The following PPP6R3 variants were observed in gnomAD, a reference collection of about 807,000 sequenced individuals.
The protein encoded by PPP6R3 is protein phosphatase 6 regulatory subunit 3, also known as serine/threonine-protein phosphatase 6 regulatory subunit 3.
In PPP6R3, 38 loss-of-function variants were observed where a neutral mutation model predicts 110.7. The ratio of observed to expected loss-of-function variants is 0.34; its 90% CI spans 0.26 to 0.45. The LOEUF (loss-of-function observed/expected upper bound fraction) is 0.45. PPP6R3 is among the 20% of genes least tolerant of loss of function. The pLI is 1.00. For synonymous variants in PPP6R3, 369 were observed against 373.5 expected (o/e 0.99, Z 0.14); for missense variants, 870 against 1,062.4 (o/e 0.82, Z 2.52).
rs146518155 is a variant in PPP6R3, at chr11:68,557,720, A to G, written c.732-846A>G. ...TTTTTAGTAGAAATGGGGTTTCACC[A>G]TGTTGGTCAGGCTGGTCTCGAACTC... On this transcript the variant is annotated intron_variant, in intron 7 of 23. Transcript: ENST00000393800. 2.7e-3 allele frequency among the ~76,000 whole-genome samples: 407 copies of G among 152,220 alleles called. 4 individuals carry two copies. The highest frequency in any genetic ancestry group is 8.5e-3 in the African/African-American group (355 of 41,554).
chr11:68,509,432 G>T (rs139430105), intron 1 of PPP6R3, among the ~76,000 whole-genome samples: 131 of 150,794 alleles, frequency 8.7e-4, no homozygotes, highest in Non-Finnish European at 1.4e-3. Context: ...AGTCCCTCTG[G>T]GCTTAAAGCA....
chr11:68,477,737 A>ATATATAT (rs1555021085), intron 1 of PPP6R3, among the ~76,000 whole-genome samples: 3 of 64,558 alleles, frequency 4.6e-5, no homozygotes, highest in African/African-American at 1.8e-4. Flanking sequence ...TTAAAAAAAA[A>ATATATAT]AAAAATATAT....
intron 14 of PPP6R3, among the ~76,000 whole-genome samples, chr11:68,577,369 C>T (rs968460880): frequency 5.3e-5 from 8 of 152,010 alleles, no homozygotes; most frequent in African/African-American, 1.9e-4. Context: ...TTGGAGGTTC[C>T]CACGTTGATT....
chr11:68,499,803 G>GTT (rs930295652), intron 1 of PPP6R3, among the ~76,000 whole-genome samples: 7 of 152,022 alleles, frequency 4.6e-5, no homozygotes, highest in African/African-American at 1.7e-4. Context: ...AAACTCCTGG[G>GTT]TTTGAGCATT....
chr11:68,546,402 C>T (rs2099349406), intron 4 of PPP6R3, among the ~76,000 whole-genome samples: 1 of 152,128 alleles, frequency 6.6e-6, no homozygotes, highest in African/African-American at 2.4e-5. Flanking sequence ...GTTGGCGAGC[C>T]CCGATTTTCA....
intron 1 of PPP6R3, among the ~76,000 whole-genome samples, chr11:68,505,515 GTA>G (rs1342268157): frequency 1.3e-5 from 2 of 152,160 alleles, no homozygotes; most frequent in African/African-American, 2.4e-5. Flanking sequence ...TAGGGTCTTG[GTA>G]TGTGTGTGCT....
intron 7 of PPP6R3, among the ~76,000 whole-genome samples, chr11:68,556,711 A>G (rs1307800925): frequency 1.3e-5 from 2 of 152,216 alleles, no homozygotes; most frequent in Non-Finnish European, 2.9e-5. Context: ...ATGTAATTAA[A>G]TATCTTTTTA....
chr11:68,462,730 A>G (rs940068099), intron 1 of PPP6R3, among the ~76,000 whole-genome samples: 2 of 152,068 alleles, frequency 1.3e-5, no homozygotes, highest in Non-Finnish European at 2.9e-5. Context: ...TAAACTCACA[A>G]TCCTTTACCG....
chr11:68,528,466 A>T (rs946250232), intron 2 of PPP6R3, among the ~76,000 whole-genome samples: 1 of 149,754 alleles, frequency 6.7e-6, no homozygotes, highest in Non-Finnish European at 1.5e-5. Context: ...TGAAATTGAC[A>T]CTTCACTAAG....
At chr11:68,596,670 C>A (rs1246722026) in intron 19 of PPP6R3, among the ~76,000 whole-genome samples, 1 of 152,266 alleles carries the variant, frequency 6.6e-6, no homozygotes, top group Non-Finnish European at 1.5e-5. Flanking sequence ...CAGAAGCTCA[C>A]AGCCTTGAAA....
intron 1 of PPP6R3, among the ~76,000 whole-genome samples, chr11:68,501,169 G>A (rs1048409356): frequency 2.0e-5 from 3 of 152,178 alleles, no homozygotes; most frequent in African/African-American, 7.2e-5. Context: ...TGAACAATAT[G>A]TTAAGGGTTG....
At position 68,548,157 on chromosome 11, in the gene PPP6R3, C is replaced by T. The variant is rs1410403668; in HGVS notation, c.505C>T (p.Leu169Phe). Residue 169 changes from leucine to phenylalanine, a missense_variant, in exon 5 of 24, where the codon CTC becomes TTC. Coordinates refer to ENST00000393800, the MANE Select transcript of PPP6R3 (RefSeq NM_001164161.2). ...TSAIMDLLLR[L>F]LTCIEPPQPR... is the part of the protein sequence containing the mutation. ...TGCTATCATGGATTTGTTGCTCAGG[C>T]TCCTGACGTGTATCGAACCTCCACA... The T allele has an allele frequency of 1.2e-6, 2 of 1,614,154 alleles. No homozygotes were observed. Among genetic ancestry groups the T allele is most frequent in the East Asian group, 4.5e-5 (2 of 44,880 alleles).
intron 1 of PPP6R3, among the ~76,000 whole-genome samples, chr11:68,495,430 A>G (rs966214543): frequency 6.6e-6 from 1 of 152,220 alleles, no homozygotes; most frequent in Non-Finnish European, 1.5e-5. Context: ...TGTCATCACA[A>G]TCACTTAGAA....
At chr11:68,573,114 TTATATATA>T (rs60848718) in intron 12 of PPP6R3, among the ~76,000 whole-genome samples, 5,356 of 61,796 alleles carry the variant, frequency 0.087, 331 homozygotes, top group Middle Eastern at 0.18. Context: ...TTTACTTATT[TTATATATA>T]TATATATATA....
In PPP6R3 at chr11:68,569,246, A is replaced by G. The variant is rs61188641; in HGVS notation, c.1129-502A>G. ...ATGTCAGATAAGCAGATAGCACGCC[A>G]TTTAGGCTCTAAAGCAATACTTCAC... On this transcript the variant is annotated intron_variant, in intron 10 of 23. Transcript: ENST00000393800. Among the ~76,000 whole-genome samples the G allele has an allele frequency of 4.5e-4, 69 of 152,262 alleles. 2 individuals carry two copies. The East Asian group carries it at 0.013, about 28-fold the overall frequency.
chr11:68,576,543 CT>C (rs1203584858), intron 14 of PPP6R3, among the ~76,000 whole-genome samples: 1 of 152,184 alleles, frequency 6.6e-6, no homozygotes, highest in Non-Finnish European at 1.5e-5. Flanking sequence ...AGAATTGGGA[CT>C]TTGAGCCAGG....
At chr11:68,475,743 CG>C (rs1344137819) in intron 1 of PPP6R3, among the ~76,000 whole-genome samples, 3 of 110,430 alleles carry the variant, frequency 2.7e-5, no homozygotes, top group Admixed American at 1.7e-4. Context: ...ACTTCTCAGA[CG>C]GGGCGGCTGC....
intron 3 of PPP6R3, among the ~76,000 whole-genome samples, chr11:68,539,266 C>T (rs530241930): frequency 6.6e-6 from 1 of 152,292 alleles, no homozygotes; most frequent in South Asian, 2.1e-4. Flanking sequence ...AGAGCTTGGG[C>T]AGGGAGCTTA....
chr11:68,525,783 A>G (rs969210945), intron 2 of PPP6R3, among the ~76,000 whole-genome samples: 11 of 152,138 alleles, frequency 7.2e-5, no homozygotes, highest in Admixed American at 5.9e-4. Flanking sequence ...CTGAATTTCT[A>G]CTTGATTAGG....
Sources: allele counts gnomAD v4.1 joint callset (sites outside exome capture counted in the v4.1 genomes callset), GRCh38; gene constraint gnomAD v4.1.1; transcripts MANE v1.5; gene names NCBI Gene and HGNC (gene_info 2026-07-23, HGNC 2026-07-21).